The following CNTROB variants were observed in gnomAD, a reference collection of about 807,000 sequenced individuals.
CNTROB encodes centrobin, centriole duplication and spindle assembly protein.
Under a neutral mutation model 115.7 loss-of-function variants are expected in CNTROB, and 82 were observed. The ratio of observed to expected loss-of-function variants is 0.71; its 90% CI spans 0.59 to 0.85. The LOEUF (loss-of-function observed/expected upper bound fraction) is 0.85, where lower values mean the gene tolerates loss of function less well. Ranked by LOEUF, CNTROB falls within the 40% of genes least tolerant of loss-of-function variation. The pLI is 0.00. For missense variants in CNTROB, 1,014 were observed against 1,144.4 expected, an observed-to-expected ratio of 0.89 and a Z score of 1.64; for synonymous variants, 439 against 456.4, an observed-to-expected ratio of 0.96 and a Z score of 0.49.
At position 7,947,899 on chromosome 17, in the gene CNTROB, A is replaced by G. The variant is rs1368565075; in HGVS notation, c.2146-17A>G. The stretch of plus-strand genomic sequence containing the variant: ...CTATCAGTCCCTAGGGAACTTGACA[A>G]TCTTATTCACCCACAGTTGCTGGAG... On this transcript the variant is annotated splice_polypyrimidine_tract_variant and intron_variant, in intron 14 of 18. Transcript: ENST00000563694. 6.2e-7 allele frequency: 1 copy of G among 1,613,676 alleles called. No homozygotes were observed. Among genetic ancestry groups the G allele is most frequent in the East Asian group, 2.2e-5 (1 of 44,874 alleles).
Position 7,948,611 on chromosome 17 carries a change from A to G in CNTROB, c.2505A>G (p.Glu835=). Residue 835 remains glutamate, a synonymous_variant, in exon 17 of 19, where the codon GAA becomes GAG. Coordinates refer to ENST00000563694, the MANE Select transcript of CNTROB (RefSeq NM_053051.5). The surrounding 1 kb of genome is among the most constrained non-coding windows in gnomAD (Gnocchi z 4.4). ...TCCTGCTCTACCTGAAGAGGCTGGA[A>G]CACAGCGGGTACAAGCCTGGGAGGA... ...EDLLLYLKRL[E]HSGTDGRGDN... is the part of the protein sequence containing the mutation. 7 of 1,614,160 alleles carry G rather than the reference A, an allele frequency of 4.3e-6. No homozygotes were observed. The highest frequency in any genetic ancestry group is 2.2e-5 in the East Asian group (1 of 44,878).
At position 7,942,224 on chromosome 17, in the gene CNTROB, A is replaced by T. The variant is rs11652128; in HGVS notation, c.1312-1167A>T. Among the ~76,000 whole-genome samples, 1,040 of 152,276 alleles carry T rather than the reference A, an allele frequency of 6.8e-3. 12 individuals carry two copies. The highest frequency in any genetic ancestry group is 8.4e-3 in the Non-Finnish European group (568 of 68,012). On this transcript the variant is annotated intron_variant, in intron 9 of 18. Coordinates refer to ENST00000563694, the MANE Select transcript of CNTROB (RefSeq NM_053051.5). ...CAAGACTGCAGTGAGCCATGATCAC[A>T]CCACTGCACTTTAGGCTAAGCAACA...
In CNTROB at chr17:7,939,249, C is replaced by A. The variant is rs558244777; in HGVS notation, c.928-264C>A. Among the ~76,000 whole-genome samples the A allele has an allele frequency of 6.6e-6, 1 of 151,606 alleles. No homozygotes were observed. Among genetic ancestry groups the A allele is most frequent in the Admixed American group, 6.6e-5 (1 of 15,198 alleles). On this transcript the variant is annotated intron_variant, in intron 7 of 18. Transcript: ENST00000563694. This position sits in a 1 kb window ranked among gnomAD's most constrained non-coding sequence, Gnocchi z 4.4. ...CTGGAATTACAGGCACCCACCACCA[C>A]GCCTGGCTAATTTTTGTATTTTTAG...
intron 1 of CNTROB, 56 bp from the exon 2 acceptor site, chr17:7,934,082 T>A (rs923124094): frequency 7.0e-7 from 1 of 1,437,808 alleles, no homozygotes; most frequent in Non-Finnish European, 9.8e-7. Context: ...ACCCTGGCAA[T>A]AGGTAGGAGA....
intron 6 of CNTROB, 119 bp from the exon 7 acceptor site, chr17:7,937,045 G>T (rs1283360579): frequency 3.2e-6 from 4 of 1,268,344 alleles, no homozygotes; most frequent in Admixed American, 1.9e-5. Context: ...CTTCTATCTG[G>T]CCCCTTAGTC....
At chr17:7,936,631 ACCCTGCC>A in intron 5 of CNTROB, 63 bp from the exon 6 acceptor site, 1 of 815,734 alleles carries the variant, frequency 1.2e-6, no homozygotes, top group Non-Finnish European at 2.2e-6. Flanking sequence ...ATGGCTGTTG[ACCCTGCC>A]CCTGTGGGTA....
rs1188368920 is a variant in CNTROB at position 7,939,475 on chromosome 17, A to T, written c.928-38A>T. ...GAGGGCAGATCGCTGGTCTCTGAAG[A>T]GCCTACTAAGGAGCTTGGTTTTCTT... On this transcript the variant is annotated intron_variant, in intron 7 of 18. Coordinates refer to ENST00000563694, the MANE Select transcript of CNTROB (RefSeq NM_053051.5). This position sits in a 1 kb window ranked among gnomAD's most constrained non-coding sequence, Gnocchi z 4.4. The T allele has an allele frequency of 1.9e-6, 3 of 1,560,390 alleles. No individual in the cohort carries two copies. The highest frequency in any genetic ancestry group is 2.6e-6 in the Non-Finnish European group (3 of 1,132,608).
In CNTROB at chr17:7,940,246, A is replaced by G. The variant is rs1452532134; in HGVS notation, c.1311+4A>G. The G allele has an allele frequency of 5.0e-6, 8 of 1,596,802 alleles. No homozygotes were observed. Among genetic ancestry groups the G allele is most frequent in the Non-Finnish European group, 6.8e-6 (8 of 1,174,158 alleles). On this transcript the variant is annotated splice_donor_region_variant and intron_variant, in intron 9 of 18. Transcript: ENST00000563694. ...GCTGGAAATGAGCTTGGTGCAGGTCAGAAGGCAGAGGTTTCTTGAGGTTTT... is the reference window on the plus strand; with the variant it reads ...GCTGGAAATGAGCTTGGTGCAGGTCGGAAGGCAGAGGTTTCTTGAGGTTTT...
rs757744124 is a variant in CNTROB at position 7,945,981 on chromosome 17, C to A, written c.1988C>A (p.Ser663Tyr). Residue 663 changes from serine to tyrosine, a missense_variant, in exon 13 of 19, where the codon TCC becomes TAC. Transcript: ENST00000563694. The part of the protein sequence containing the change: ...PLEPKPDLTS[S>Y]TAGAFSALGA... ...GAGCCCAAACCAGACCTCACTTCATCCACAGGTAACTGGGGGCAGAAGTCA... is the reference window on the plus strand; with the variant it reads ...GAGCCCAAACCAGACCTCACTTCATACACAGGTAACTGGGGGCAGAAGTCA... 3.1e-6 allele frequency: 5 copies of A among 1,613,870 alleles called. No homozygotes were observed. The Admixed American group carries it at 5.0e-5, about 16-fold the overall frequency.
In CNTROB at chr17:7,940,093, T is replaced by C. The variant is rs1371465434; in HGVS notation, c.1165-3T>C. ...GTATATACATTTGATTTGTCTTTCA[T>C]AGGAGAAGAGCCAGAGGGAAGCCCA... On this transcript the variant is annotated splice_region_variant and splice_polypyrimidine_tract_variant and intron_variant, in intron 8 of 18. Transcript: ENST00000563694. 6.3e-7 allele frequency: 1 copy of C among 1,591,708 alleles called. No individual in the cohort carries two copies. The highest frequency in any genetic ancestry group is 2.2e-5 in the East Asian group (1 of 44,472).
rs1390168709 is a variant in CNTROB, at chr17:7,934,140, T to C, written c.273T>C (p.Asp91=). ...ATTTCCATGTGGCTTTTTTCCAGGA[T>C]GGTTCTAAGCATATCTTTGAGATGG... The part of the protein sequence containing the change: ...VGLEKNLKKK[D]GSKHIFEMES... Residue 91 remains aspartate (D), a splice_region_variant and synonymous_variant, in exon 2 of 19, where the codon GAT becomes GAC. Transcript: ENST00000563694. 6.2e-7 allele frequency: 1 copy of C among 1,614,056 alleles called. No homozygotes were observed. Among genetic ancestry groups the C allele is most frequent in the Non-Finnish European group, 8.5e-7 (1 of 1,179,898 alleles).
chr17:7,947,549 C>T (rs1324024763), intron 13 of CNTROB, 22 bp from the exon 14 acceptor site: 2 of 1,588,322 alleles, frequency 1.3e-6, no homozygotes, highest in Admixed American at 1.7e-5. Flanking sequence ...TTGCACCCAC[C>T]CATACCTGTT....
At chr17:7,945,675 T>C in intron 12 of CNTROB, 53 bp from the exon 13 acceptor site, 3 of 1,559,038 alleles carry the variant, frequency 1.9e-6, no homozygotes, top group South Asian at 2.3e-5. Flanking sequence ...CCATGTCTTA[T>C]CTCTTTAAAC....
intron 9 of CNTROB, among the ~76,000 whole-genome samples, 177 bp downstream of exon 9, chr17:7,940,419 G>A (rs1202931814): frequency 6.6e-6 from 1 of 152,164 alleles, no homozygotes; most frequent in Non-Finnish European, 1.5e-5. Flanking sequence ...ATTTCTTACT[G>A]AGTGACCATT....
intron 9 of CNTROB, among the ~76,000 whole-genome samples, chr17:7,941,681 C>T (rs968953546): frequency 7.9e-5 from 12 of 151,748 alleles, no homozygotes; most frequent in African/African-American, 2.2e-4. Flanking sequence ...AGAAAGCATC[C>T]GGGTGTGGTG....
intron 9 of CNTROB, 87 bp downstream of exon 9, chr17:7,940,329 C>T (rs999023738): frequency 1.2e-5 from 15 of 1,285,764 alleles, no homozygotes; most frequent in Non-Finnish European, 1.4e-5. Flanking sequence ...GGCAGACACT[C>T]CCAGTTCAGG....
chr17:7,942,321 G>A (rs982360978), intron 9 of CNTROB, among the ~76,000 whole-genome samples: 3 of 151,958 alleles, frequency 2.0e-5, no homozygotes, highest in African/African-American at 7.3e-5. Context: ...GAGTTCTTTG[G>A]GCCATGCGCG....
rs752306448 is a variant in CNTROB at position 7,944,303 on chromosome 17, G to T, written c.1571+55G>T. The T allele has an allele frequency of 6.9e-6, 11 of 1,594,284 alleles. No homozygotes were observed. The highest frequency in any genetic ancestry group is 1.7e-6 in the Non-Finnish European group (2 of 1,162,104). On this transcript the variant is annotated intron_variant, in intron 11 of 18. Coordinates refer to ENST00000563694, the MANE Select transcript of CNTROB (RefSeq NM_053051.5). This position sits in a 1 kb window ranked among gnomAD's most constrained non-coding sequence, Gnocchi z 4.0. Reference sequence around the variant, plus strand: ...CCCCAGCCCCTTTCCCATGGGTAGAGCCCAAACTGGGAACGGTGAAGAGCT... The same window carrying T: ...CCCCAGCCCCTTTCCCATGGGTAGATCCCAAACTGGGAACGGTGAAGAGCT...
At chr17:7,942,596 CAAAAA>C (rs377086554) in intron 9 of CNTROB, among the ~76,000 whole-genome samples, 2 of 56,478 alleles carry the variant, frequency 3.5e-5, no homozygotes, top group Non-Finnish European at 6.1e-5. Flanking sequence ...GACTCCATCT[CAAAAA>C]AAAAAAAAAA....
Sources: allele counts gnomAD v4.1 joint callset (sites outside exome capture counted in the v4.1 genomes callset), GRCh38; gene constraint gnomAD v4.1.1; non-coding constraint Gnocchi (gnomAD v3.1); transcripts MANE v1.5; gene names NCBI Gene and HGNC (gene_info 2026-07-23, HGNC 2026-07-21).